BNC2: variants seen among roughly 807,000 people sequenced by gnomAD.
The protein encoded by BNC2 is basonuclin zinc finger protein 2, also known as zinc finger protein basonuclin-2.
A neutral mutation model predicts 76.3 loss-of-function variants in BNC2; 20 were observed. The observed-to-expected ratio is 0.26, with a 90% CI of 0.18 to 0.38. The LOEUF is 0.38. Among genes scored for constraint, BNC2 ranks in the 10% least tolerant of loss-of-function variants. The pLI is 1.00. For synonymous variants in BNC2, 582 were observed against 514.8 expected (o/e 1.13, Z -1.77); for missense variants, 1,382 against 1,399.8 (o/e 0.99, Z 0.20).
chr9:16,859,772 A>G (rs1465120610), intron 1 of BNC2, among the ~76,000 whole-genome samples: 1 of 152,244 alleles, frequency 6.6e-6, no homozygotes, highest in Non-Finnish European at 1.5e-5. Flanking sequence ...AAAATGTTCT[A>G]GAGATCTGCT....
At chr9:16,496,141 T>G (rs1822384989) in intron 5 of BNC2, among the ~76,000 whole-genome samples, 1 of 151,962 alleles carries the variant, frequency 6.6e-6, no homozygotes, top group Non-Finnish European at 1.5e-5. Flanking sequence ...ACTCCTGACC[T>G]CAGGTGATCC....
At chr9:16,672,247 C>G (rs1229433790) in intron 3 of BNC2, among the ~76,000 whole-genome samples, 1 of 152,168 alleles carries the variant, frequency 6.6e-6, no homozygotes, top group East Asian at 1.9e-4. Context: ...CCTGTAATCC[C>G]AGCACTTTGG....
Position 16,582,988 on chromosome 9 carries a change from G to A in BNC2, c.428C>T (p.Ala143Val). 1 of 1,612,596 alleles carries A rather than the reference G, an allele frequency of 6.2e-7. No individual in the cohort carries two copies. The highest frequency in any genetic ancestry group is 8.5e-7 in the Non-Finnish European group (1 of 1,179,230). The stretch of plus-strand genomic sequence containing the variant: ...AAAGCCCAGATTTTCCTCACCATGT[G>A]CCACCCAGCCATGTTTACACTGATC... ...TCDQCKHGWVAHALDKLSTQH... is the reference protein window; with the variant it reads ...TCDQCKHGWVVHALDKLSTQH... Residue 143 changes from alanine (A) to valine (V), a missense_variant, in exon 4 of 7, where the codon GCA becomes GTA. By Grantham distance (64) the Ala-to-Val change is moderately conservative. Coordinates refer to ENST00000380672, the MANE Select transcript of BNC2 (RefSeq NM_017637.6).
At chr9:16,434,004 G>T (rs1820954479) in intron 6 of BNC2, among the ~76,000 whole-genome samples, 1 of 152,020 alleles carries the variant, frequency 6.6e-6, no homozygotes, top group Non-Finnish European at 1.5e-5. Flanking sequence ...TCAAAATATA[G>T]CTATCTTATC....
At chr9:16,470,044 C>G (rs1024340995) in intron 5 of BNC2, among the ~76,000 whole-genome samples, 1 of 140,172 alleles carries the variant, frequency 7.1e-6, no homozygotes, top group Non-Finnish European at 1.5e-5. Flanking sequence ...GTTGCCCAGG[C>G]TGGAGTGCAG....
intron 3 of BNC2, among the ~76,000 whole-genome samples, chr9:16,706,705 G>C (rs935209842): frequency 1.3e-5 from 2 of 152,008 alleles, no homozygotes; most frequent in South Asian, 2.1e-4. Context: ...GCCTTGAAAA[G>C]TCATTCTAAT....
chr9:16,779,701 T>A (rs777164029), intron 1 of BNC2, among the ~76,000 whole-genome samples: 2 of 152,040 alleles, frequency 1.3e-5, no homozygotes, highest in Non-Finnish European at 2.9e-5. Flanking sequence ...TGGATGAACC[T>A]TGAAAATATA....
At chr9:16,826,314 G>A (rs1818453943) in intron 1 of BNC2, among the ~76,000 whole-genome samples, 1 of 148,974 alleles carries the variant, frequency 6.7e-6, no homozygotes, top group African/African-American at 2.5e-5. Flanking sequence ...GTGCCATATA[G>A]CTCTGCTCTA....
intron 5 of BNC2, among the ~76,000 whole-genome samples, chr9:16,471,039 C>T (rs1587067460): frequency 6.6e-6 from 1 of 152,270 alleles, no homozygotes; most frequent in African/African-American, 2.4e-5. Flanking sequence ...GGAGGTTGTC[C>T]CCTGCAAAGC....
chr9:16,608,612 C>T (rs1320525257), intron 3 of BNC2, among the ~76,000 whole-genome samples: 1 of 152,148 alleles, frequency 6.6e-6, no homozygotes. Flanking sequence ...CTCAAGGGAT[C>T]TTCCTGCCTC....
chr9:16,489,400 C>T (rs1660735229), intron 5 of BNC2, among the ~76,000 whole-genome samples: 1 of 152,164 alleles, frequency 6.6e-6, no homozygotes, highest in Non-Finnish European at 1.5e-5. Flanking sequence ...ATCTAATTTA[C>T]CTTTCATTGA....
At chr9:16,623,103 A>T (rs1587245706) in intron 3 of BNC2, among the ~76,000 whole-genome samples, 2 of 152,290 alleles carry the variant, frequency 1.3e-5, no homozygotes, top group East Asian at 3.9e-4. Flanking sequence ...AATGATGGTG[A>T]AACTAAGCCA....
At chr9:16,866,524 T>C (rs529851516) in intron 1 of BNC2, among the ~76,000 whole-genome samples, 1 of 152,176 alleles carries the variant, frequency 6.6e-6, no homozygotes, top group South Asian at 2.1e-4. Context: ...AAACAGTAGT[T>C]AGTCAAACCA....
intron 3 of BNC2, among the ~76,000 whole-genome samples, chr9:16,658,917 A>C (rs10810584): frequency 6.6e-6 from 1 of 152,004 alleles, no homozygotes; most frequent in Non-Finnish European, 1.5e-5. Flanking sequence ...GACAGTTTAC[A>C]TTGTCTTAAA....
In BNC2 at chr9:16,748,661, G is replaced by T. The variant is rs111317177; in HGVS notation, c.4-10176C>A. Among the ~76,000 whole-genome samples, 474 of 151,692 alleles carry T rather than the reference G, an allele frequency of 3.1e-3. 8 individuals are homozygous for T. Among genetic ancestry groups the T allele is most frequent in the Non-Finnish European group, 6.8e-4 (46 of 67,920 alleles). The stretch of plus-strand genomic sequence containing the variant: ...AGTTCGAGATCAGACTGGCCAACAC[G>T]GTGAAACCCCATCTCCACTAAAAAT... On this transcript the variant is annotated intron_variant, in intron 1 of 6. Coordinates refer to ENST00000380672, the MANE Select transcript of BNC2 (RefSeq NM_017637.6).
intron 1 of BNC2, among the ~76,000 whole-genome samples, chr9:16,744,521 G>A (rs4961751): frequency 0.85 from 129,925 of 152,184 alleles, 56,001 homozygotes; most frequent in Non-Finnish European, 0.91. Context: ...TATAAAAGAC[G>A]CAGTCTCTGA....
chr9:16,828,841 T>C (rs1006674713), intron 1 of BNC2, among the ~76,000 whole-genome samples: 5 of 152,204 alleles, frequency 3.3e-5, no homozygotes, highest in African/African-American at 9.6e-5. Context: ...GGAATGTGTC[T>C]AGTGGCACTG....
intron 3 of BNC2, among the ~76,000 whole-genome samples, chr9:16,616,379 G>C (rs1820697040): frequency 6.6e-6 from 1 of 151,232 alleles, no homozygotes; most frequent in Non-Finnish European, 1.5e-5. Context: ...GTGACGGAGA[G>C]AGACCCTGTC....
At chr9:16,761,972 A>T (rs1434893050) in intron 1 of BNC2, among the ~76,000 whole-genome samples, 1 of 152,246 alleles carries the variant, frequency 6.6e-6, no homozygotes, top group Admixed American at 6.5e-5. Flanking sequence ...ACCAAAAATT[A>T]AAAAGAATGA....
Sources: gnomAD v4.1 joint callset for allele counts (sites outside exome capture counted in the v4.1 genomes callset) on GRCh38, gnomAD v4.1.1 for gene constraint, MANE v1.5 for transcripts, NCBI Gene and HGNC (gene_info 2026-07-23, HGNC 2026-07-21) for gene names.